The following BANK1 variants were observed in gnomAD, a reference collection of about 807,000 sequenced individuals.
BANK1 encodes B-cell scaffold protein with ankyrin repeats.
Under a neutral mutation model 94.5 loss-of-function variants are expected in BANK1, and 95 were observed. The ratio of observed to expected loss-of-function variants is 1.00; its 90% confidence interval spans 0.85 to 1.19. BANK1 has a LOEUF of 1.19. Among genes scored for constraint, BANK1 ranks in the 50% most tolerant of loss-of-function variants. The pLI is 0.00. For missense variants in BANK1, 987 were observed against 932.2 expected, an observed-to-expected ratio of 1.06 and a Z score of -0.77; for synonymous variants, 334 against 308.4, an observed-to-expected ratio of 1.08 and a Z score of -0.87.
intron 5 of BANK1, among the ~76,000 whole-genome samples, chr4:101,875,168 A>G (rs2148882991): frequency 6.6e-6 from 1 of 152,080 alleles, no homozygotes; most frequent in East Asian, 1.9e-4. Context: ...TGAGTCAACA[A>G]TGCCAACCTT....
intron 1 of BANK1, among the ~76,000 whole-genome samples, chr4:101,806,343 GT>G (rs1725552256): frequency 3.6e-5 from 1 of 28,130 alleles, no homozygotes; most frequent in Admixed American, 1.7e-4. Flanking sequence ...ATTATACAAT[GT>G]TTAAAAAAAA....
chr4:101,950,303 A>ATGATTGTT (rs3082396), intron 7 of BANK1, among the ~76,000 whole-genome samples: 3,957 of 152,238 alleles, frequency 0.026, 177 homozygotes, highest in African/African-American at 0.091. Context: ...TTTAAGAAAG[A>ATGATTGTT]TGATTGTTAC....
chr4:101,884,281 G>GT (rs1257280140), intron 5 of BANK1, among the ~76,000 whole-genome samples: 2 of 152,088 alleles, frequency 1.3e-5, no homozygotes, highest in Non-Finnish European at 2.9e-5. Flanking sequence ...TCCAATGGAC[G>GT]TTTTTTGTGT....
chr4:102,032,664 C>G (rs975718023), intron 10 of BANK1, among the ~76,000 whole-genome samples: 1 of 151,996 alleles, frequency 6.6e-6, no homozygotes, highest in East Asian at 1.9e-4. Flanking sequence ...AGGTGGATCA[C>G]CTGAGGTCAG....
intron 1 of BANK1, among the ~76,000 whole-genome samples, chr4:101,819,664 A>G (rs1052534742): frequency 6.6e-6 from 1 of 152,246 alleles, no homozygotes; most frequent in Middle Eastern, 3.4e-3. Context: ...TTCTCTACCA[A>G]CTCAGACTTC....
At chr4:102,041,807 G>A (rs1160468335) in intron 10 of BANK1, among the ~76,000 whole-genome samples, 1 of 151,946 alleles carries the variant, frequency 6.6e-6, no homozygotes, top group Non-Finnish European at 1.5e-5. Context: ...TCTAGTAACT[G>A]AAAGACAGCA....
intron 6 of BANK1, among the ~76,000 whole-genome samples, chr4:101,911,065 C>T (rs1230637680): frequency 6.6e-6 from 1 of 152,188 alleles, no homozygotes; most frequent in Non-Finnish European, 1.5e-5. Context: ...TGACAATGAT[C>T]CTGAGGTAGG....
At chr4:101,859,478 T>C (rs1727792971) in intron 3 of BANK1, among the ~76,000 whole-genome samples, 1 of 152,186 alleles carries the variant, frequency 6.6e-6, no homozygotes, top group African/African-American at 2.4e-5. Context: ...AAGTGATAAT[T>C]GTCATAAACC....
At chr4:101,791,880 G>A (rs1018621728) in intron 1 of BANK1, among the ~76,000 whole-genome samples, 2 of 152,086 alleles carry the variant, frequency 1.3e-5, no homozygotes, top group Admixed American at 6.5e-5. Context: ...TCAATGAAAA[G>A]TGACAAGAAA....
intron 9 of BANK1, among the ~76,000 whole-genome samples, chr4:102,027,616 C>T (rs1011725721): frequency 6.6e-6 from 1 of 151,134 alleles, no homozygotes; most frequent in Non-Finnish European, 1.5e-5. Flanking sequence ...GCTAGTGATA[C>T]CTTCAGGAGT....
chr4:101,808,917 A>G (rs1578329008), intron 1 of BANK1, among the ~76,000 whole-genome samples: 1 of 152,306 alleles, frequency 6.6e-6, no homozygotes, highest in Admixed American at 6.5e-5. Flanking sequence ...AACTAGTATA[A>G]CCACTATGGA....
intron 7 of BANK1, among the ~76,000 whole-genome samples, chr4:101,956,929 G>C (rs776934239): frequency 6.6e-6 from 1 of 152,148 alleles, no homozygotes; most frequent in African/African-American, 2.4e-5. Context: ...TAGGGTCCTT[G>C]CCAGAACCCA....
chr4:101,964,891 A>C, intron 7 of BANK1, among the ~76,000 whole-genome samples: 1 of 147,602 alleles, frequency 6.8e-6, no homozygotes, highest in Non-Finnish European at 1.5e-5. Flanking sequence ...CATTAGGTAT[A>C]TCTCCCAATG....
At chr4:101,976,668 T>G (rs1725143040) in intron 7 of BANK1, among the ~76,000 whole-genome samples, 1 of 152,172 alleles carries the variant, frequency 6.6e-6, no homozygotes, top group South Asian at 2.1e-4. Flanking sequence ...ATCACTAGAA[T>G]GCCATATGCT....
At chr4:102,031,025 A>T (rs191370342) in intron 10 of BANK1, among the ~76,000 whole-genome samples, 44 of 152,340 alleles carry the variant, frequency 2.9e-4, no homozygotes, top group African/African-American at 9.4e-4. Flanking sequence ...ACTGTCTTCC[A>T]CAATGATTGA....
chr4:101,834,584 G>A (rs1291070419), intron 2 of BANK1, among the ~76,000 whole-genome samples: 1 of 152,078 alleles, frequency 6.6e-6, no homozygotes. Flanking sequence ...ATTATTTTAT[G>A]TTTATGTTGC....
At chr4:101,969,486 T>G (rs919784698) in intron 7 of BANK1, among the ~76,000 whole-genome samples, 1 of 152,066 alleles carries the variant, frequency 6.6e-6, no homozygotes, top group Non-Finnish European at 1.5e-5. Context: ...TTACATAAAC[T>G]AAGAAAAATT....
At chr4:101,898,321 C>T (rs1407349768) in intron 6 of BANK1, among the ~76,000 whole-genome samples, 1 of 151,744 alleles carries the variant, frequency 6.6e-6, no homozygotes, top group Non-Finnish European at 1.5e-5. Context: ...GTTTAAGTTA[C>T]CTTTATACAT....
intron 7 of BANK1, among the ~76,000 whole-genome samples, chr4:101,999,479 G>C (rs1278889676): frequency 6.6e-6 from 1 of 152,184 alleles, no homozygotes; most frequent in Non-Finnish European, 1.5e-5. Flanking sequence ...CTCCCTGGAT[G>C]TATATCTAGT....
Sources: allele counts gnomAD v4.1 joint callset (sites outside exome capture counted in the v4.1 genomes callset), GRCh38; gene constraint gnomAD v4.1.1; transcripts MANE v1.5; gene names NCBI Gene and HGNC (gene_info 2026-07-23, HGNC 2026-07-21).